The following HNRNPM variants were observed in gnomAD, a reference collection of about 807,000 sequenced individuals.
HNRNPM encodes the protein heterogeneous nuclear ribonucleoprotein M.
Under a neutral mutation model 73.1 loss-of-function variants are expected in HNRNPM, and 11 were observed. That is an observed-to-expected ratio of 0.15 (90% CI 0.09 to 0.25). HNRNPM has a LOEUF of 0.25. Among genes scored for constraint, HNRNPM ranks in the 10% least tolerant of loss-of-function variants. The pLI is 1.00. For missense variants in HNRNPM, 789 were observed against 1,067.9 expected (o/e 0.74, Z 3.64); for synonymous variants, 407 against 355.2 (o/e 1.15, Z -1.64).
chr19:8,486,884 C>A, intron 14 of HNRNPM, 140 bp from the exon 15 acceptor site: 2 of 748,982 alleles, frequency 2.7e-6, no homozygotes, highest in Non-Finnish European at 4.9e-6. Context: ...TATTAGTTTC[C>A]TGCTGATCGC....
intron 11 of HNRNPM, 87 bp from the exon 12 acceptor site, chr19:8,474,080 A>C: frequency 1.1e-6 from 1 of 929,568 alleles, no homozygotes; most frequent in Non-Finnish European, 1.6e-6. Flanking sequence ...AAGATACCCC[A>C]GTTGAAACAT....
chr19:8,445,014 G>A lies in HNRNPM; in HGVS notation c.16G>A (p.Glu6Lys). 1.4e-6 allele frequency: 2 copies of A among 1,424,348 alleles called. No individual in the cohort carries two copies. The highest frequency in any genetic ancestry group is 9.2e-7 in the Non-Finnish European group (1 of 1,091,292). 88.2% of individuals were successfully genotyped at this position (1,424,348 alleles called of 1,614,324 possible). Residue 6 changes from glutamate (E) to lysine (K), a missense_variant, in exon 1 of 16, where the codon GAA (glutamate) becomes AAA (lysine). Glu to Lys is a moderately conservative substitution (Grantham distance 56). Around this residue, in one of 4 missense-constraint regions of HNRNPM, gnomAD observed 79 missense variants for 70.7 expected, o/e 1.12. Coordinates refer to ENST00000325495, the MANE Select transcript of HNRNPM (RefSeq NM_005968.5). ...CGCGGAGAAAATGGCGGCAGGGGTC[G>A]AAGCGGCGGCGGAGGTGGCGGCGAC... MAAGVEAAAEVAATEI... is the reference protein window; with the variant it reads MAAGVKAAAEVAATEI...
intron 12 of HNRNPM, among the ~76,000 whole-genome samples, chr19:8,479,092 T>TC (rs1970720282): frequency 1.5e-5 from 2 of 131,240 alleles, no homozygotes; most frequent in Non-Finnish European, 3.3e-5. Context: ...TTTTTTTTTT[T>TC]TTTTTTTTTT....
chr19:8,451,588 A>C (rs563607086), intron 1 of HNRNPM, among the ~76,000 whole-genome samples: 7 of 151,938 alleles, frequency 4.6e-5, no homozygotes, highest in African/African-American at 1.7e-4. Context: ...CCCCGGCTGG[A>C]GTGTAGTGGT....
intron 1 of HNRNPM, among the ~76,000 whole-genome samples, chr19:8,455,041 C>T (rs983817171): frequency 2.0e-5 from 3 of 152,088 alleles, no homozygotes; most frequent in East Asian, 1.9e-4. Context: ...GTAGGGTGAT[C>T]ATAGTTTGCT....
chr19:8,455,114 G>T (rs917174508), intron 1 of HNRNPM, among the ~76,000 whole-genome samples: 5 of 151,976 alleles, frequency 3.3e-5, no homozygotes, highest in Admixed American at 6.6e-5. Context: ...AGCTAGTACT[G>T]CAAGTGCACC....
intron 14 of HNRNPM, 58 bp from the exon 15 acceptor site, chr19:8,486,966 G>GC: frequency 7.4e-7 from 1 of 1,353,568 alleles, no homozygotes; most frequent in Non-Finnish European, 1.1e-6. Context: ...CAGCTGCAAG[G>GC]CATGCCTTAG....
chr19:8,458,649 C>G (rs997602341), intron 2 of HNRNPM, among the ~76,000 whole-genome samples: 1 of 152,250 alleles, frequency 6.6e-6, no homozygotes, highest in Non-Finnish European at 1.5e-5. Context: ...CTCAGTCGAT[C>G]CGAAGTTTAG....
At chr19:8,465,269 A>G (rs1320737527) in intron 5 of HNRNPM, 55 bp from the exon 6 acceptor site, 2 of 1,350,682 alleles carry the variant, frequency 1.5e-6, no homozygotes, top group Non-Finnish European at 1.0e-6. Flanking sequence ...CTGTGCAAGC[A>G]TGGTTTGCGT....
Position 8,486,020 on chromosome 19 carries a change from G to A in HNRNPM, c.1592G>A (p.Arg531His). Residue 531 changes from arginine (R) to histidine (H), a missense_variant, in exon 14 of 16, where the codon CGC becomes CAC. By Grantham distance (29) the Arg-to-His change is conservative (BLOSUM62 0). Coordinates refer to ENST00000325495, the MANE Select transcript of HNRNPM (RefSeq NM_005968.5). ...GAGCGCATGGGCCTGAGCATGGAGCGCATGGTGCCCGCAGGTATGGGAGCT... is the reference window on the plus strand; with the variant it reads ...GAGCGCATGGGCCTGAGCATGGAGCACATGGTGCCCGCAGGTATGGGAGCT... ...AIERMGLSME[R>H]MVPAGMGAGL... is the part of the protein sequence containing the mutation. 6.2e-7 allele frequency: 1 copy of A among 1,606,870 alleles called. No individual in the cohort carries two copies. Among genetic ancestry groups the A allele is most frequent in the Non-Finnish European group, 8.5e-7 (1 of 1,179,494 alleles).
At chr19:8,459,314 G>A (rs1969238082) in intron 2 of HNRNPM, among the ~76,000 whole-genome samples, 1 of 152,216 alleles carries the variant, frequency 6.6e-6, no homozygotes, top group South Asian at 2.1e-4. Context: ...ACCCCGTGTG[G>A]TCTCTGGTGT....
intron 12 of HNRNPM, among the ~76,000 whole-genome samples, chr19:8,476,098 C>T (rs139986407): frequency 6.6e-6 from 1 of 152,152 alleles, no homozygotes; most frequent in Non-Finnish European, 1.5e-5. Flanking sequence ...GATTCAGAGC[C>T]TGGGGTACGC....
intron 1 of HNRNPM, 58 bp from the exon 2 acceptor site, chr19:8,455,346 CT>C: frequency 7.2e-7 from 1 of 1,388,452 alleles, no homozygotes; most frequent in South Asian, 1.3e-5. Context: ...AAATAATTAT[CT>C]TTCACATTGT....
At chr19:8,481,303 C>T (rs531636768) in intron 12 of HNRNPM, among the ~76,000 whole-genome samples, 23 of 152,296 alleles carry the variant, frequency 1.5e-4, no homozygotes, top group African/African-American at 4.1e-4. Flanking sequence ...CTGGTGGAGA[C>T]GTTGGTTGCC....
At position 8,486,350 on chromosome 19, in the gene HNRNPM, C is replaced by G. The variant is rs146514598; in HGVS notation, c.1922C>G (p.Ala641Gly). 1.1e-5 allele frequency: 17 copies of G among 1,597,292 alleles called. No homozygotes were observed. The African/African-American group carries it at 1.9e-4, about 18-fold the overall frequency. Residue 641 changes from alanine to glycine, a missense_variant, in exon 14 of 16, where the codon GCT becomes GGT. Ala to Gly is a moderately conservative substitution (Grantham distance 60). Coordinates refer to ENST00000325495, the MANE Select transcript of HNRNPM (RefSeq NM_005968.5). ...GGSFAGSFGG[A>G]GGHAPGVARK... The stretch of plus-strand genomic sequence containing the variant: ...AGCTTCGCAGGTTCCTTTGGTGGAG[C>G]TGGAGGCCATGCTCCTGGGGTGGCC...
chr19:8,485,626 G>T lies in HNRNPM; in HGVS notation c.1198G>T (p.Gly400Trp). 4 of 1,602,292 alleles carry T rather than the reference G, an allele frequency of 2.5e-6. No homozygotes were observed. Among genetic ancestry groups the T allele is most frequent in the Non-Finnish European group, 1.7e-6 (2 of 1,175,816 alleles). Residue 400 changes from glycine (G) to tryptophan (W), a missense_variant, in exon 14 of 16, where the codon GGG becomes TGG. Physicochemically the swap from Gly to Trp is radical, Grantham distance 184 (BLOSUM62 -2). Transcript: ENST00000325495. ...AGGTGGAGGTGGAGGAAGCGTCCCT[G>T]GGATCGAGAGGATGGGTCCTGGCAT... is the stretch of plus-strand genomic sequence containing the variant. ...GGGGGGGSVP[G>W]IERMGPGIDR...
chr19:8,479,096 T>TTTA (rs374579566), intron 12 of HNRNPM, among the ~76,000 whole-genome samples: 26 of 126,918 alleles, frequency 2.0e-4, no homozygotes, highest in South Asian at 7.9e-4. Flanking sequence ...TTTTTTTTTT[T>TTTA]TTTTTTCAAG....
Position 8,468,834 on chromosome 19 carries a change from C to T in HNRNPM, c.895C>T (p.His299Tyr), listed in dbSNP as rs747485201. ...TCCTGAGCGTCCACAACAACTTCCC[C>T]GTAAGTGTTTCAGTGATTAGGGCTG... ...FPPERPQQLP[H>Y]GLGGIGMGLG... The change falls in exon 9 of 16, where the codon CAT (histidine) becomes TAT (tyrosine). Residue 299 changes from histidine to tyrosine, a missense_variant and splice_region_variant. By Grantham distance (83) the His-to-Tyr change is moderately conservative. Coordinates refer to ENST00000325495, the MANE Select transcript of HNRNPM (RefSeq NM_005968.5). The T allele has an allele frequency of 5.6e-6, 9 of 1,610,582 alleles. No homozygotes were observed. The highest frequency in any genetic ancestry group is 2.7e-5 in the African/African-American group (2 of 74,934).
intron 1 of HNRNPM, 45 bp downstream of exon 1, chr19:8,445,156 G>A: frequency 2.2e-6 from 3 of 1,336,516 alleles, no homozygotes; most frequent in Non-Finnish European, 2.9e-6. Flanking sequence ...GTTCCTCTCC[G>A]CGGCCGACGC....
Sources: gnomAD v4.1 joint callset for allele counts (sites outside exome capture counted in the v4.1 genomes callset) on GRCh38, gnomAD v4.1.1 for gene constraint, gnomAD v4.1.1 regional missense constraint, MANE v1.5 for transcripts, NCBI Gene and HGNC (gene_info 2026-07-23, HGNC 2026-07-21) for gene names.